The following AK8 variants were observed in gnomAD, a reference collection of about 807,000 sequenced individuals.
AK8 encodes adenylate kinase 8.
AK8 carries 44 observed loss-of-function variants against 54.6 expected under a neutral mutation model. The observed-to-expected ratio is 0.81, with a 90% CI of 0.63 to 1.04. The LOEUF (loss-of-function observed/expected upper bound fraction) is 1.04. Ranked by LOEUF, AK8 falls within the 50% of genes least tolerant of loss-of-function variation. AK8 has a pLI of 0.00. For synonymous variants in AK8, 239 were observed against 245.6 expected (o/e 0.97, Z 0.25); for missense variants, 555 against 613.6 (o/e 0.90, Z 1.01).
At chr9:132,871,213 T>C (rs1282403279) in intron 2 of AK8, among the ~76,000 whole-genome samples, 1 of 151,948 alleles carries the variant, frequency 6.6e-6, no homozygotes, top group African/African-American at 2.4e-5. Context: ...GCCATTGCAC[T>C]CCAGCCTAGG....
chr9:132,804,682 C>T (rs2131215482), intron 10 of AK8, among the ~76,000 whole-genome samples: 1 of 152,298 alleles, frequency 6.6e-6, no homozygotes, highest in African/African-American at 2.4e-5. Flanking sequence ...CCCTTGTCAC[C>T]CAGAGCAGCA....
chr9:132,778,971 G>A (rs1839345237), intron 11 of AK8, among the ~76,000 whole-genome samples: 1 of 151,832 alleles, frequency 6.6e-6, no homozygotes, highest in South Asian at 2.1e-4. Context: ...TGTGTTACCA[G>A]AAGAACAGGC....
intron 4 of AK8, among the ~76,000 whole-genome samples, chr9:132,857,544 C>G (rs778114967): frequency 1.3e-5 from 2 of 152,162 alleles, no homozygotes; most frequent in Non-Finnish European, 2.9e-5. Context: ...CCCCTCCCAT[C>G]CCCTTTCATC....
In AK8 at chr9:132,773,932, T is replaced by C. The variant is rs1380860397; in HGVS notation, c.1121+18702A>G. ...AGAAACACCATGAGTAAAAACTCCGTGTTTAGGAAACAGGAAGTGGGTAGG... is the reference window on the plus strand; with the variant it reads ...AGAAACACCATGAGTAAAAACTCCGCGTTTAGGAAACAGGAAGTGGGTAGG... On this transcript the variant is annotated intron_variant, in intron 11 of 12. Transcript: ENST00000298545. Among the ~76,000 whole-genome samples, 6 of 152,260 alleles carry C rather than the reference T, an allele frequency of 3.9e-5. No homozygotes were observed. The East Asian group carries it at 1.2e-3, about 29-fold the overall frequency.
intron 9 of AK8, among the ~76,000 whole-genome samples, chr9:132,816,786 T>G (rs1046918681): frequency 6.6e-6 from 1 of 152,180 alleles, no homozygotes; most frequent in Admixed American, 6.5e-5. Flanking sequence ...TTTCTACCTA[T>G]GGGCACTTCT....
chr9:132,824,303 T>A (rs187857291), intron 8 of AK8, among the ~76,000 whole-genome samples: 54 of 152,312 alleles, frequency 3.5e-4, no homozygotes, highest in Middle Eastern at 3.4e-3. Context: ...CAGGGAGACC[T>A]TCCCCCTCCT....
At chr9:132,748,297 A>AC (rs1398199556) in intron 11 of AK8, among the ~76,000 whole-genome samples, 1 of 151,886 alleles carries the variant, frequency 6.6e-6, no homozygotes, top group Non-Finnish European at 1.5e-5. Flanking sequence ...CAGTGCTCTC[A>AC]GTCTCTTATC....
At chr9:132,729,863 C>A (rs1448195599) in intron 11 of AK8, among the ~76,000 whole-genome samples, 1 of 152,206 alleles carries the variant, frequency 6.6e-6, no homozygotes, top group Non-Finnish European at 1.5e-5. Context: ...TAAACTCAGG[C>A]CAGAAGCACC....
chr9:132,786,334 T>C (rs1465296440), intron 11 of AK8, among the ~76,000 whole-genome samples: 1 of 152,172 alleles, frequency 6.6e-6, no homozygotes, highest in Non-Finnish European at 1.5e-5. Context: ...AAATACAGGC[T>C]CTTTGGGCTG....
chr9:132,821,710 CATTTGTATGTATATACATATATGTAT>C (rs1486578568), intron 9 of AK8, among the ~76,000 whole-genome samples: 6 of 124,550 alleles, frequency 4.8e-5, no homozygotes, highest in Non-Finnish European at 8.8e-5. Context: ...TATACACGTA[CATTTGTATGTATATACATATATGTAT>C]ATTTGTATGT....
At chr9:132,874,805 C>A (rs186372824) in intron 2 of AK8, among the ~76,000 whole-genome samples, 1 of 152,362 alleles carries the variant, frequency 6.6e-6, no homozygotes, top group Non-Finnish European at 1.5e-5. Flanking sequence ...CAGGCGAAAG[C>A]ATTAATAATT....
intron 11 of AK8, among the ~76,000 whole-genome samples, chr9:132,765,110 C>T (rs547456877): frequency 6.6e-5 from 10 of 151,392 alleles, no homozygotes; most frequent in South Asian, 4.2e-4. Flanking sequence ...CTGGGCAACA[C>T]GGTGAAACCG....
chr9:132,812,530 T>TGCCCACTGGGATGACGGGTGAGCCGCCAC (rs1841088532), intron 10 of AK8, among the ~76,000 whole-genome samples: 2 of 130,644 alleles, frequency 1.5e-5, no homozygotes, highest in African/African-American at 2.8e-5. Context: ...TGAGCTACCG[T>TGCCCACTGGGATGACGGGTGAGCCGCCAC]GCCCACTGGG....
intron 10 of AK8, among the ~76,000 whole-genome samples, chr9:132,809,227 T>A (rs1840877035): frequency 6.6e-6 from 1 of 152,106 alleles, no homozygotes; most frequent in South Asian, 2.1e-4. Context: ...CTCCAATGAC[T>A]CCCCAAAGGT....
rs1274793324 is a variant in AK8, at chr9:132,781,520, C to T, written c.1121+11114G>A. 3.3e-5 allele frequency among the ~76,000 whole-genome samples: 5 copies of T among 151,952 alleles called. No homozygotes were observed. The highest frequency in any genetic ancestry group is 7.3e-5 in the African/African-American group (3 of 41,370). The stretch of plus-strand genomic sequence containing the variant: ...ATACACTGAGTAGCTTACCCTTCCC[C>T]GATAACTCTATTTACTAGTGTGAAT... On this transcript the variant is annotated intron_variant, in intron 11 of 12. Transcript: ENST00000298545. The surrounding 1 kb of genome is among the most constrained non-coding windows in gnomAD (Gnocchi z 4.6).
At chr9:132,730,936 T>C (rs147585558) in intron 11 of AK8, among the ~76,000 whole-genome samples, 31 of 152,324 alleles carry the variant, frequency 2.0e-4, no homozygotes, top group Non-Finnish European at 4.0e-4. Flanking sequence ...TCACACTCAC[T>C]GTTCTCCTTG....
chr9:132,811,213 G>A lies in AK8; in HGVS notation c.979+3425C>T, dbSNP rs115716535. ...AAAGATGTCCACATCCTAATCGCTG[G>A]CACCTGTGAATATGTTCCCTGATAT... On this transcript the variant is annotated intron_variant, in intron 10 of 12. Coordinates refer to ENST00000298545, the MANE Select transcript of AK8 (RefSeq NM_152572.3). Among the ~76,000 whole-genome samples, 404 of 152,322 alleles carry A rather than the reference G, an allele frequency of 2.7e-3. 2 individuals carry two copies. The highest frequency in any genetic ancestry group is 9.0e-3 in the African/African-American group (374 of 41,564).
chr9:132,845,757 G>A (rs927380573), intron 5 of AK8, among the ~76,000 whole-genome samples: 1 of 148,958 alleles, frequency 6.7e-6, no homozygotes, highest in Non-Finnish European at 1.5e-5. Context: ...CTCCAGCCTG[G>A]GCAAGAACGA....
intron 5 of AK8, among the ~76,000 whole-genome samples, chr9:132,850,295 CT>C (rs1842922472): frequency 6.8e-6 from 1 of 147,068 alleles, no homozygotes; most frequent in African/African-American, 2.5e-5. Flanking sequence ...GTACGGCTGC[CT>C]TTGTATTACA....
Sources: gnomAD v4.1 joint callset for allele counts (sites outside exome capture counted in the v4.1 genomes callset) on GRCh38, gnomAD v4.1.1 for gene constraint, Gnocchi (gnomAD v3.1) non-coding constraint, MANE v1.5 for transcripts, NCBI Gene and HGNC (gene_info 2026-07-23, HGNC 2026-07-21) for gene names.